The following ACMSD variants were observed in gnomAD, a reference collection of about 807,000 sequenced individuals.
ACMSD encodes the protein aminocarboxymuconate semialdehyde decarboxylase.
Under a neutral mutation model 45.9 loss-of-function variants are expected in ACMSD, and 37 were observed. The ratio of observed to expected loss-of-function variants is 0.81; its 90% CI spans 0.62 to 1.06. ACMSD has a LOEUF of 1.06. Ranked by LOEUF, ACMSD falls within the 50% of genes least tolerant of loss-of-function variation. The pLI, the probability that ACMSD is intolerant of heterozygous loss-of-function variation, is 0.00. For synonymous variants in ACMSD, 138 were observed against 148.8 expected (o/e 0.93, Z 0.53); for missense variants, 434 against 420.9 (o/e 1.03, Z -0.27).
In ACMSD at chr2:134,871,123, C is replaced by T. The variant is rs1688415352; in HGVS notation, c.676+63C>T. ...CAACAAAATCCCACAGATGGGGTGA[C>T]TGTAAGAAAACAGAAATTTATTTTC... On this transcript the variant is annotated intron_variant, in intron 7 of 9. Transcript: ENST00000356140. The T allele has an allele frequency of 2.9e-6, 4 of 1,392,350 alleles. No individual in the cohort carries two copies. The East Asian group carries it at 6.9e-5, about 24-fold the overall frequency. The allele number at this position is 1,392,350 out of a possible 1,614,324, so 86.2% of individuals were successfully genotyped here.
chr2:134,848,214 A>G (rs1687172630), intron 2 of ACMSD, among the ~76,000 whole-genome samples: 1 of 152,192 alleles, frequency 6.6e-6, no homozygotes, highest in Non-Finnish European at 1.5e-5. Flanking sequence ...AGTCTTTGCT[A>G]TTGTGAATAG....
In ACMSD at chr2:134,839,756, C is replaced by G. The variant is rs114560818; in HGVS notation, c.57+1017C>G. Among the ~76,000 whole-genome samples the G allele has an allele frequency of 3.2e-3, 494 of 152,288 alleles. 1 individual carries two copies. The highest frequency in any genetic ancestry group is 0.01 in the African/African-American group (435 of 41,564). On this transcript the variant is annotated intron_variant, in intron 1 of 9. Transcript: ENST00000356140. ...AAAAACAAAATCTTTGAAAGCCTAT[C>G]CTATGCACAGCTAACGATAAAAGAT...
At chr2:134,870,869 G>A in intron 6 of ACMSD, 96 bp from the exon 7 acceptor site, 4 of 1,059,906 alleles carry the variant, frequency 3.8e-6, no homozygotes, top group Non-Finnish European at 5.7e-6. Context: ...AGGGCCTCAA[G>A]TTTCTTTGCA....
chr2:134,869,299 G>A (rs1485216937), intron 6 of ACMSD, among the ~76,000 whole-genome samples: 1 of 151,922 alleles, frequency 6.6e-6, no homozygotes, highest in East Asian at 1.9e-4. Flanking sequence ...TGCAACCTCT[G>A]CCTCCCGGGT....
chr2:134,864,515 A>G (rs1688004799), intron 5 of ACMSD, among the ~76,000 whole-genome samples: 1 of 152,202 alleles, frequency 6.6e-6, no homozygotes, highest in Non-Finnish European at 1.5e-5. Flanking sequence ...GCTAATTAAA[A>G]ATTTCCAACA....
chr2:134,886,402 A>C (rs906341430), intron 8 of ACMSD, among the ~76,000 whole-genome samples: 20 of 151,316 alleles, frequency 1.3e-4, no homozygotes, highest in African/African-American at 4.6e-4. Context: ...GTGCCCGCCA[A>C]CACGCCCGGC....
intron 2 of ACMSD, among the ~76,000 whole-genome samples, chr2:134,850,848 C>T (rs1687307007): frequency 6.6e-6 from 1 of 152,120 alleles, no homozygotes; most frequent in Admixed American, 6.6e-5. Context: ...CTGGGTGTAT[C>T]AAGTGACGCT....
chr2:134,898,673 A>G (rs993435743), intron 9 of ACMSD, among the ~76,000 whole-genome samples: 18 of 152,190 alleles, frequency 1.2e-4, no homozygotes, highest in African/African-American at 4.3e-4. Context: ...AGAAAGTTGT[A>G]TAGAAGGATA....
rs184628425 is a variant in ACMSD at position 134,889,129 on chromosome 2, T to C, written c.850-9212T>C. Among the ~76,000 whole-genome samples the C allele has an allele frequency of 1.9e-3, 295 of 152,276 alleles. 2 individuals carry two copies. The highest frequency in any genetic ancestry group is 6.9e-3 in the African/African-American group (288 of 41,562). On this transcript the variant is annotated intron_variant, in intron 8 of 9. Coordinates refer to ENST00000356140, the MANE Select transcript of ACMSD (RefSeq NM_138326.3). The stretch of plus-strand genomic sequence containing the variant: ...AAATGAAGAAACAACATGAGTAAAA[T>C]GGCAGGTGTCTCACTGTTGGATAAG...
chr2:134,861,036 ATTT>A (rs1446159002), intron 3 of ACMSD, among the ~76,000 whole-genome samples: 2 of 152,128 alleles, frequency 1.3e-5, no homozygotes, highest in African/African-American at 4.8e-5. Context: ...CTCTAAAAAA[ATTT>A]TTTAATTAAA....
chr2:134,851,197 T>C (rs1244433790), intron 2 of ACMSD, among the ~76,000 whole-genome samples: 1 of 152,242 alleles, frequency 6.6e-6, no homozygotes, highest in East Asian at 1.9e-4. Context: ...ATATTTTCTT[T>C]ATCCAGTTCA....
chr2:134,872,693 A>G (rs1264296384), intron 8 of ACMSD, 52 bp downstream of exon 8: 1 of 1,594,978 alleles, frequency 6.3e-7, no homozygotes, highest in Non-Finnish European at 8.6e-7. Context: ...ATGCTGCATC[A>G]GCAACCCATT....
At chr2:134,869,608 T>C (rs936217101) in intron 6 of ACMSD, among the ~76,000 whole-genome samples, 5 of 152,120 alleles carry the variant, frequency 3.3e-5, no homozygotes, top group African/African-American at 4.8e-5. Flanking sequence ...CCTTCTAGCA[T>C]GCCAGGCCCT....
At chr2:134,882,867 C>T (rs555534073) in intron 8 of ACMSD, among the ~76,000 whole-genome samples, 3 of 152,226 alleles carry the variant, frequency 2.0e-5, no homozygotes, top group Non-Finnish European at 4.4e-5. Flanking sequence ...AAAGTTCATG[C>T]ATCCCAGCAG....
At chr2:134,887,362 AT>A (rs529121673) in intron 8 of ACMSD, among the ~76,000 whole-genome samples, 122 of 152,358 alleles carry the variant, frequency 8.0e-4, no homozygotes, top group African/African-American at 2.9e-3. Flanking sequence ...AGACAAATAG[AT>A]TAATGGAATA....
chr2:134,872,605 T>C lies in ACMSD; in HGVS notation c.813T>C (p.Pro271=). The change falls in exon 8 of 10, where the codon CCT becomes CCC. Residue 271 remains proline (P), a synonymous_variant. Coordinates refer to ENST00000356140, the MANE Select transcript of ACMSD (RefSeq NM_138326.3). ...ACACAGATGCTTTGGTTCATGATCC[T>C]CTGTCCCTCAAGCTGTTAACAGATG... ...SFYTDALVHD[P]LSLKLLTDVI... 3 of 1,614,156 alleles carry C rather than the reference T, an allele frequency of 1.9e-6. No homozygotes were observed. The highest frequency in any genetic ancestry group is 2.5e-6 in the Non-Finnish European group (3 of 1,180,018).
rs1553515587 is a variant in ACMSD at position 134,885,311 on chromosome 2, A to ATAT, written c.849+12671_849+12673dup. Among the ~76,000 whole-genome samples the ATAT allele has an allele frequency of 8.5e-3, 868 of 101,568 alleles. 12 individuals carry two copies. Among genetic ancestry groups the ATAT allele is most frequent in the African/African-American group, 0.034 (806 of 23,878 alleles). 66.6% of individuals were successfully genotyped at this position (101,568 alleles called of 152,430 possible). Reference sequence around the variant, plus strand: ...TATATTTATATATATATTTAAATATATATATATAAATATATATGTAAATAT... The same window carrying ATAT: ...TATATTTATATATATATTTAAATATATATTATATATAAATATATATGTAAATAT... On this transcript the variant is annotated intron_variant, in intron 8 of 9. Transcript: ENST00000356140.
intron 2 of ACMSD, among the ~76,000 whole-genome samples, chr2:134,853,346 C>G (rs1432499595): frequency 6.6e-6 from 1 of 151,680 alleles, no homozygotes; most frequent in African/African-American, 2.4e-5. Flanking sequence ...AGATGAAGTT[C>G]TGGCTTTAAA....
chr2:134,847,290 C>A (rs74497661), intron 2 of ACMSD, among the ~76,000 whole-genome samples: 3,225 of 152,078 alleles, frequency 0.021, 127 homozygotes, highest in African/African-American at 0.074. Flanking sequence ...GAAACCTCAT[C>A]AGACAGGGCC....
Sources: allele counts gnomAD v4.1 joint callset (sites outside exome capture counted in the v4.1 genomes callset), GRCh38; gene constraint gnomAD v4.1.1; transcripts MANE v1.5; gene names NCBI Gene and HGNC (gene_info 2026-07-23, HGNC 2026-07-21).